Variants in EYS observed in about 807,000 individuals in gnomAD.
EYS encodes the protein EGF-like photoreceptor maintenance factor.
EYS carries 250 observed loss-of-function variants against 282.1 expected under a neutral mutation model. That is an observed-to-expected ratio of 0.89 (90% confidence interval 0.80 to 0.98). The LOEUF (loss-of-function observed/expected upper bound fraction) is 0.98, where lower values mean the gene tolerates loss of function less well. Ranked by LOEUF, EYS falls within the 50% of genes least tolerant of loss-of-function variation. The pLI is 0.00. For missense variants in EYS, 4,016 were observed against 3,709.0 expected (o/e 1.08, Z -2.15); for synonymous variants, 1,355 against 1,282.9 (o/e 1.06, Z -1.20).
intron 35 of EYS, among the ~76,000 whole-genome samples, chr6:63,955,542 C>G (rs573820503): frequency 1.3e-5 from 2 of 152,306 alleles, no homozygotes; most frequent in South Asian, 2.1e-4. Context: ...CTCACTCGCT[C>G]TCTTCTAGCT....
chr6:64,123,322 CATTTT>C (rs754958189), intron 31 of EYS, among the ~76,000 whole-genome samples: 1 of 152,128 alleles, frequency 6.6e-6, no homozygotes, highest in Non-Finnish European at 1.5e-5. Flanking sequence ...TGTTATCTCT[CATTTT>C]ATATTATTAA....
intron 35 of EYS, among the ~76,000 whole-genome samples, chr6:63,881,617 T>C (rs1384538678): frequency 3.3e-5 from 5 of 152,198 alleles, no homozygotes; most frequent in Non-Finnish European, 7.4e-5. Context: ...TTTCCAGAAC[T>C]TACTAAATCT....
At chr6:64,853,297 C>G (rs756346827) in intron 19 of EYS, among the ~76,000 whole-genome samples, 19 of 152,172 alleles carry the variant, frequency 1.2e-4, no homozygotes, top group Non-Finnish European at 2.1e-4. Context: ...CACTGTGTAA[C>G]TGTCATTTAT....
intron 15 of EYS, among the ~76,000 whole-genome samples, chr6:64,933,153 A>G (rs1435010572): frequency 6.6e-6 from 1 of 152,096 alleles, no homozygotes; most frequent in Non-Finnish European, 1.5e-5. Flanking sequence ...AAACTATTAT[A>G]TAATCAATTA....
At position 63,720,980 on chromosome 6, in the gene EYS, G is replaced by A. The variant is rs572542912; in HGVS notation, c.9051C>T (p.Thr3017=). The part of the protein sequence containing the change: ...DFLAIGLHNQ[T]LKIAVNLGER... ...CTCCCAAGTTAACTGCTATTTTCAA[G>A]GTCTGATTATGGAGACCAATTGCCA... Residue 3017 remains threonine, a synonymous_variant, in exon 43 of 43, where the codon ACC becomes ACT. Transcript: ENST00000503581. 4.5e-6 allele frequency: 7 copies of A among 1,551,322 alleles called. No individual in the cohort carries two copies. The Admixed American group carries it at 1.4e-4, about 30-fold the overall frequency.
chr6:65,680,118 A>ACACACAGC (rs1182613636), intron 1 of EYS, among the ~76,000 whole-genome samples: 1 of 150,134 alleles, frequency 6.7e-6, no homozygotes, highest in Non-Finnish European at 1.5e-5. Context: ...ACACACACAA[A>ACACACAGC]GCAAATGTTC....
chr6:64,546,202 C>G (rs1158686700), intron 26 of EYS, among the ~76,000 whole-genome samples: 1 of 152,082 alleles, frequency 6.6e-6, no homozygotes, highest in Non-Finnish European at 1.5e-5. Context: ...GAACAGAGCC[C>G]TCAGAAATAA....
chr6:64,926,623 G>T (rs1768525847), intron 15 of EYS, among the ~76,000 whole-genome samples: 1 of 152,130 alleles, frequency 6.6e-6, no homozygotes, highest in East Asian at 1.9e-4. Flanking sequence ...CACATGAGTT[G>T]TTACCTGCAT....
intron 31 of EYS, among the ~76,000 whole-genome samples, chr6:64,110,751 T>G (rs1324290965): frequency 2.0e-5 from 3 of 151,774 alleles, no homozygotes; most frequent in Non-Finnish European, 4.4e-5. Context: ...TAAGGAACTG[T>G]AAAAAGTGAG....
At chr6:64,286,212 G>A (rs1032757609) in intron 30 of EYS, among the ~76,000 whole-genome samples, 32 of 152,264 alleles carry the variant, frequency 2.1e-4, no homozygotes, top group Admixed American at 1.6e-3. Flanking sequence ...GGAGTAGTGA[G>A]GGATGACCAA....
At chr6:65,141,661 A>G (rs112056385) in intron 12 of EYS, among the ~76,000 whole-genome samples, 28 of 83,610 alleles carry the variant, frequency 3.3e-4, no homozygotes, top group Non-Finnish European at 5.0e-4. Flanking sequence ...CTATCTATCT[A>G]TCTATCTATC....
intron 30 of EYS, among the ~76,000 whole-genome samples, chr6:64,232,646 C>G (rs987262088): frequency 1.4e-5 from 2 of 147,476 alleles, no homozygotes; most frequent in South Asian, 4.2e-4. Context: ...CAGCCTCGGC[C>G]CCCCCAGAGC....
intron 2 of EYS, among the ~76,000 whole-genome samples, chr6:65,633,648 T>C (rs1766993625): frequency 6.6e-6 from 1 of 152,226 alleles, no homozygotes; most frequent in Admixed American, 6.5e-5. Flanking sequence ...TGTTGCTTAA[T>C]AGTAGCTGCC....
intron 22 of EYS, 22 bp from the exon 23 acceptor site, chr6:64,626,267 G>A (rs532936450): frequency 2.5e-4 from 374 of 1,518,290 alleles, no homozygotes; most frequent in South Asian, 8.0e-4. Flanking sequence ...AAATGAAAAC[G>A]ATATTTGTAT....
chr6:65,236,119 T>C (rs1766916268), intron 12 of EYS, among the ~76,000 whole-genome samples: 1 of 152,124 alleles, frequency 6.6e-6, no homozygotes, highest in Non-Finnish European at 1.5e-5. Context: ...TTGGATTATA[T>C]CAGCATTTCT....
At chr6:65,540,566 A>G (rs1261029769) in intron 2 of EYS, among the ~76,000 whole-genome samples, 2 of 152,216 alleles carry the variant, frequency 1.3e-5, no homozygotes, top group African/African-American at 4.8e-5. Context: ...ACCAATATTA[A>G]AGCAAAATTA....
At chr6:65,493,389 C>A (rs531862868) in intron 4 of EYS, among the ~76,000 whole-genome samples, 1 of 152,294 alleles carries the variant, frequency 6.6e-6, no homozygotes, top group East Asian at 1.9e-4. Context: ...CTTTTATGAC[C>A]AAAATACATA....
chr6:65,559,143 GCAGATCACTTGAGGC>G (rs1160445166), intron 2 of EYS, among the ~76,000 whole-genome samples: 1 of 152,184 alleles, frequency 6.6e-6, no homozygotes, highest in Admixed American at 6.5e-5. Context: ...GATGATGTGG[GCAGATCACTTGAGGC>G]CAGGAATTTG....
intron 1 of EYS, among the ~76,000 whole-genome samples, chr6:65,649,137 C>CAAAAAAA (rs369237730): frequency 1.4e-5 from 1 of 72,676 alleles, no homozygotes; most frequent in African/African-American, 6.4e-5. Flanking sequence ...GACTCTGTCT[C>CAAAAAAA]AAAAAAAAAA....
Sources: gnomAD v4.1 joint callset for allele counts (sites outside exome capture counted in the v4.1 genomes callset) on GRCh38, gnomAD v4.1.1 for gene constraint, MANE v1.5 for transcripts, NCBI Gene and HGNC (gene_info 2026-07-23, HGNC 2026-07-21) for gene names.